The following NSD2 variants were observed in gnomAD, a reference collection of about 807,000 sequenced individuals.
NSD2 encodes the protein histone-lysine N-methyltransferase NSD2.
Under a neutral mutation model 139.0 loss-of-function variants are expected in NSD2, and 12 were observed. That is an observed-to-expected ratio of 0.09 (90% confidence interval 0.06 to 0.14). NSD2 has a LOEUF of 0.14. Ranked by LOEUF, NSD2 falls within the 10% of genes least tolerant of loss-of-function variation. The pLI is 1.00. For synonymous variants in NSD2, 669 were observed against 648.7 expected (o/e 1.03, Z -0.48); for missense variants, 1,155 against 1,745.0 (o/e 0.66, Z 6.02).
Position 1,978,834 on chromosome 4 carries a change from C to A in NSD2, c.4023C>A (p.Pro1341=), listed in dbSNP as rs149925711. 3 of 1,603,598 alleles carry A rather than the reference C, an allele frequency of 1.9e-6. No individual in the cohort carries two copies. Among genetic ancestry groups the A allele is most frequent in the Non-Finnish European group, 2.6e-6 (3 of 1,172,456 alleles). Residue 1341 remains proline (P), a synonymous_variant, in exon 22 of 22, where the codon CCC becomes CCA. Coordinates refer to ENST00000508803, the MANE Select transcript of NSD2 (RefSeq NM_001042424.3). ...ASVRSTKTEK[P]PPEPGKPKGK... is the part of the protein sequence containing the mutation. ...TCAGAAGCACCAAGACTGAGAAGCCCCCCCCAGAGCCAGGGAAGCCGAAGG... is the reference window on the plus strand; with the variant it reads ...TCAGAAGCACCAAGACTGAGAAGCCACCCCCAGAGCCAGGGAAGCCGAAGG...
intron 1 of NSD2, among the ~76,000 whole-genome samples, chr4:1,880,653 A>G (rs1577353023): frequency 6.6e-6 from 1 of 152,054 alleles, no homozygotes; most frequent in Admixed American, 6.5e-5. Context: ...TCAAGCTCCT[A>G]TGTTTAACAA....
chr4:1,905,916 G>A (rs1717834529), intron 3 of NSD2, among the ~76,000 whole-genome samples: 1 of 152,204 alleles, frequency 6.6e-6, no homozygotes, highest in Non-Finnish European at 1.5e-5. Context: ...AATGCTGGTT[G>A]AGACAGAAGC....
intron 18 of NSD2, among the ~76,000 whole-genome samples, chr4:1,963,753 C>G (rs1725596549): frequency 6.6e-6 from 1 of 152,212 alleles, no homozygotes; most frequent in African/African-American, 2.4e-5. Context: ...GTGGCCCACG[C>G]CTGTAATCCC....
chr4:1,872,591 T>G (rs7673596), intron 1 of NSD2, among the ~76,000 whole-genome samples: 1 of 44,838 alleles, frequency 2.2e-5, no homozygotes, highest in African/African-American at 7.0e-5. Flanking sequence ...TGTGTGTGTG[T>G]GAGAGAGAGA....
intron 18 of NSD2, among the ~76,000 whole-genome samples, chr4:1,971,982 G>T (rs1004154892): frequency 2.0e-5 from 3 of 152,200 alleles, no homozygotes; most frequent in African/African-American, 7.2e-5. Flanking sequence ...CAGAAATAAG[G>T]CAGGACGCTC....
At chr4:1,883,453 G>A (rs557579242) in intron 1 of NSD2, among the ~76,000 whole-genome samples, 32 of 152,042 alleles carry the variant, frequency 2.1e-4, no homozygotes, top group Non-Finnish European at 3.5e-4. Flanking sequence ...CCAACATGGC[G>A]AAACCCTGTC....
rs1727580900 is a variant in NSD2 at position 1,979,867 on chromosome 4, G to A, written c.*958G>A. 2 of 232,456 alleles carry A rather than the reference G, an allele frequency of 8.6e-6. No individual in the cohort carries two copies. Among genetic ancestry groups the A allele is most frequent in the Non-Finnish European group, 1.7e-5 (2 of 117,620 alleles). The allele number at this position is 232,456 out of a possible 1,614,324, so 14.4% of individuals were successfully genotyped here. The stretch of plus-strand genomic sequence containing the variant: ...GGCGAAAGGAGTGACTTTGCAGGGC[G>A]TGAGACCGCAGTCTGCTTAGAGCAC... On this transcript the variant is annotated 3_prime_UTR_variant, in exon 22 of 22. Transcript: ENST00000508803.
rs1364332513 is a variant in NSD2 at position 1,976,339 on chromosome 4, A to ACTCCT, written c.3622-123_3622-119dup. On this transcript the variant is annotated intron_variant, in intron 20 of 21. Transcript: ENST00000508803. This position sits in a 1 kb window ranked among gnomAD's most constrained non-coding sequence, Gnocchi z 5.3. ...GATGTCTGGGGAGCACGAGGAGGAC[A>ACTCCT]CTCCTCTCCTCTCCTCTTAGTGTTG... 3 of 848,332 alleles carry ACTCCT rather than the reference A, an allele frequency of 3.5e-6. No individual in the cohort carries two copies. Among genetic ancestry groups the ACTCCT allele is most frequent in the Admixed American group, 2.5e-5 (1 of 39,704 alleles). 52.6% of individuals were successfully genotyped at this position (848,332 alleles called of 1,614,324 possible).
Position 1,958,558 on chromosome 4 carries a change from C to T in NSD2, c.2985+522C>T, listed in dbSNP as rs766541026. On this transcript the variant is annotated intron_variant, in intron 16 of 21. Transcript: ENST00000508803. The surrounding 1 kb of genome is among the most constrained non-coding windows in gnomAD (Gnocchi z 4.6). ...GCTCCAGGCCCCTCAGGGCTGCCTG[C>T]GCTCAGAGCTGGTGCGGCAAGCCGC... Among the ~76,000 whole-genome samples, 3 of 152,240 alleles carry T rather than the reference C, an allele frequency of 2.0e-5. No individual in the cohort carries two copies. Among genetic ancestry groups the T allele is most frequent in the Non-Finnish European group, 4.4e-5 (3 of 68,050 alleles).
intron 1 of NSD2, among the ~76,000 whole-genome samples, chr4:1,879,380 G>C (rs1450635647): frequency 4.0e-5 from 6 of 151,806 alleles, no homozygotes; most frequent in Admixed American, 6.6e-5. Context: ...CACCATGCCC[G>C]GCTAATTTTT....
rs573553928 is a variant in NSD2, at chr4:1,973,135, G to A, written c.3373-1728G>A. Among the ~76,000 whole-genome samples, 2 of 152,282 alleles carry A rather than the reference G, an allele frequency of 1.3e-5. No homozygotes were observed. The highest frequency in any genetic ancestry group is 6.5e-5 in the Admixed American group (1 of 15,304). ...ACTGGGATTATAGGTGTGAGCCACC[G>A]CGCCCGGCCGACATATTGTTATAAA... On this transcript the variant is annotated intron_variant, in intron 18 of 21. Coordinates refer to ENST00000508803, the MANE Select transcript of NSD2 (RefSeq NM_001042424.3). The surrounding 1 kb of genome is among the most constrained non-coding windows in gnomAD (Gnocchi z 5.5).
chr4:1,875,728 C>G (rs1714202315), intron 1 of NSD2, among the ~76,000 whole-genome samples: 1 of 149,590 alleles, frequency 6.7e-6, no homozygotes, highest in South Asian at 2.1e-4. Context: ...TGATGAAACC[C>G]CGTTTCTACT....
intron 1 of NSD2, among the ~76,000 whole-genome samples, chr4:1,883,081 T>C (rs1714821144): frequency 6.6e-6 from 1 of 152,030 alleles, no homozygotes; most frequent in Admixed American, 6.6e-5. Flanking sequence ...GTTGTGTTGT[T>C]TGGGATAAGG....
chr4:1,943,913 T>G (rs150085904), intron 9 of NSD2: 3 of 1,063,810 alleles, frequency 2.8e-6, no homozygotes, highest in East Asian at 1.0e-4. Context: ...AGCCCATAAC[T>G]GATAGATGCA....
At chr4:1,962,768 C>G (rs1322253927) in intron 18 of NSD2, among the ~76,000 whole-genome samples, 1 of 152,134 alleles carries the variant, frequency 6.6e-6, no homozygotes, top group Admixed American at 6.5e-5. Flanking sequence ...TCTCCTGGGC[C>G]TAAGCAATCC....
In NSD2 at chr4:1,918,446, C is replaced by T. The variant is rs1476727377; in HGVS notation, c.1233C>T (p.Thr411=). The stretch of plus-strand genomic sequence containing the variant: ...CCAAACTGTGTAGCTCTGCAGAGAC[C>T]CTGGAGAGTCACCCCGACATAGGGA... ...RRAKLCSSAE[T]LESHPDIGKS... The change falls in exon 5 of 22, where the codon ACC becomes ACT. Residue 411 remains threonine (T), a synonymous_variant. Transcript: ENST00000508803. 3.1e-6 allele frequency: 5 copies of T among 1,613,986 alleles called. No individual in the cohort carries two copies. The South Asian group carries it at 5.5e-5, about 18-fold the overall frequency.
At chr4:1,881,197 C>A (rs903510024) in intron 1 of NSD2, among the ~76,000 whole-genome samples, 2 of 152,172 alleles carry the variant, frequency 1.3e-5, no homozygotes, top group Non-Finnish European at 2.9e-5. Context: ...CCCACCTCAG[C>A]CTCCTGCGTA....
In NSD2 at chr4:1,976,696, G is replaced by A. The variant is rs780613752; in HGVS notation, c.3826+17G>A. On this transcript the variant is annotated intron_variant, in intron 21 of 21. Transcript: ENST00000508803. The surrounding 1 kb of genome is among the most constrained non-coding windows in gnomAD (Gnocchi z 5.3). ...GGCCCTTCGGTGGGTGTGCAGCCTC[G>A]CGGTGGCTTGCAGCTGTGTCTGTGT... is the stretch of plus-strand genomic sequence containing the variant. 8 of 1,551,254 alleles carry A rather than the reference G, an allele frequency of 5.2e-6. No individual in the cohort carries two copies. The East Asian group carries it at 9.6e-5, about 19-fold the overall frequency.
intron 11 of NSD2, chr4:1,953,019 C>T (rs1475608404): frequency 6.2e-6 from 9 of 1,441,472 alleles, no homozygotes; most frequent in African/African-American, 2.9e-5. Flanking sequence ...GGCCTCTTTT[C>T]ATAGGAGCCC....
Sources: allele counts gnomAD v4.1 joint callset (sites outside exome capture counted in the v4.1 genomes callset), GRCh38; gene constraint gnomAD v4.1.1; non-coding constraint Gnocchi (gnomAD v3.1); transcripts MANE v1.5; gene names NCBI Gene and HGNC (gene_info 2026-07-23, HGNC 2026-07-21).